OR10G3: variants seen among roughly 807,000 people sequenced by gnomAD.
OR10G3 encodes olfactory receptor family 10 subfamily G member 3, also known as olfactory receptor 10G3.
OR10G3 carries 8 observed loss-of-function variants against 13.4 expected under a neutral mutation model. That is an observed-to-expected ratio of 0.60 (90% confidence interval 0.35 to 1.08). The LOEUF (loss-of-function observed/expected upper bound fraction) is 1.08. Ranked by LOEUF, OR10G3 falls within the 50% of genes least tolerant of loss-of-function variation. The pLI is 0.02. For synonymous variants in OR10G3, 142 were observed against 156.1 expected, an observed-to-expected ratio of 0.91 and a Z score of 0.67; for missense variants, 393 against 386.6, an observed-to-expected ratio of 1.02 and a Z score of -0.14.
intron 1 of OR10G3, among the ~76,000 whole-genome samples, chr14:21,573,413 C>T (rs915289575): frequency 4.6e-5 from 7 of 152,182 alleles, no homozygotes; most frequent in African/African-American, 1.4e-4. Context: ...TGGCTCACGC[C>T]TGTAATCCCA....
At chr14:21,574,805 A>C (rs914350695) in intron 1 of OR10G3, 1 of 152,032 alleles carries the variant, frequency 6.6e-6, no homozygotes, top group Non-Finnish European at 1.5e-5. Flanking sequence ...AAAAAAATTT[A>C]CTGGGCGTAT....
chr14:21,570,875 A>G (rs1425668839), intron 1 of OR10G3, 114 bp from the exon 2 acceptor site: 2 of 624,662 alleles, frequency 3.2e-6, no homozygotes, highest in African/African-American at 1.8e-5. Flanking sequence ...TCTTACGTGG[A>G]AAGATGACAA....
chr14:21,575,407 G>T (rs1893117176), intron 1 of OR10G3, among the ~76,000 whole-genome samples: 1 of 143,264 alleles, frequency 7.0e-6, no homozygotes, highest in Non-Finnish European at 1.5e-5. Flanking sequence ...TTGAGATGGA[G>T]TCTTGCTCTG....
chr14:21,572,978 C>A (rs987163894), intron 1 of OR10G3, among the ~76,000 whole-genome samples: 1 of 152,084 alleles, frequency 6.6e-6, no homozygotes, highest in Non-Finnish European at 1.5e-5. Flanking sequence ...AACTGGATAT[C>A]CATATGCAAA....
rs1893039240 is a variant in OR10G3, at chr14:21,569,560, G to A, written c.*243C>T. 2.2e-6 allele frequency: 1 copy of A among 458,416 alleles called. No homozygotes were observed. Among genetic ancestry groups the A allele is most frequent in the Admixed American group, 4.0e-5 (1 of 24,970 alleles). 28.4% of individuals were successfully genotyped at this position (458,416 alleles called of 1,614,324 possible). A position where few individuals can be genotyped will look rare whatever the true frequency, so the allele number is the denominator to read the frequency against. The stretch of plus-strand genomic sequence containing the variant: ...ACTATTGCATTCTTTCTTCTGGATT[G>A]TTTAATGTGGTTTAGTTTGTGAGAA... On this transcript the variant is annotated 3_prime_UTR_variant, in exon 2 of 2. Coordinates refer to ENST00000641040, the MANE Select transcript of OR10G3 (RefSeq NM_001005465.2).
At chr14:21,575,205 C>T (rs1159565799) in intron 1 of OR10G3, among the ~76,000 whole-genome samples, 2 of 151,956 alleles carry the variant, frequency 1.3e-5, no homozygotes, top group Non-Finnish European at 2.9e-5. Flanking sequence ...CCTCAGCCTC[C>T]TAAGTAGCTG....
intron 1 of OR10G3, among the ~76,000 whole-genome samples, chr14:21,578,575 G>A (rs1264708728): frequency 1.3e-5 from 2 of 151,846 alleles, no homozygotes; most frequent in African/African-American, 4.8e-5. Flanking sequence ...GAGGCGAAGG[G>A]CACAGGCTTA....
chr14:21,575,177 G>A (rs1893113895), intron 1 of OR10G3, among the ~76,000 whole-genome samples: 1 of 151,746 alleles, frequency 6.6e-6, no homozygotes, highest in Non-Finnish European at 1.5e-5. Context: ...CGCCTCCCGG[G>A]TTCTCGCCAT....
chr14:21,570,455 C>G lies in OR10G3; in HGVS notation c.290G>C (p.Gly97Ala). The change falls in exon 2 of 2, where the codon GGC becomes GCC. Residue 97 changes from glycine to alanine, a missense_variant. Transcript: ENST00000641040. ...TLGVKPIPFG[G>A]CVAQLYFYHF... ...ATAGAAATAGAGTTGAGCAACACAG[C>G]CACCAAATGGGATGGGTTTGACACC... 6.2e-7 allele frequency: 1 copy of G among 1,614,142 alleles called. No individual in the cohort carries two copies. Among genetic ancestry groups the G allele is most frequent in the Non-Finnish European group, 8.5e-7 (1 of 1,180,042 alleles).
Position 21,569,151 on chromosome 14 carries a change from A to C in OR10G3, c.*652T>G, listed in dbSNP as rs1893034664. On this transcript the variant is annotated 3_prime_UTR_variant, in exon 2 of 2. Coordinates refer to ENST00000641040, the MANE Select transcript of OR10G3 (RefSeq NM_001005465.2). ...CTGAGGAGCAAGGAGAGCCAGTCCAAGTTCCAAAACTGAAGAACTTGGAGT... is the reference window on the plus strand; with the variant it reads ...CTGAGGAGCAAGGAGAGCCAGTCCACGTTCCAAAACTGAAGAACTTGGAGT... 1 of 152,340 alleles carries C rather than the reference A, an allele frequency of 6.6e-6. No homozygotes were observed. The highest frequency in any genetic ancestry group is 1.5e-5 in the Non-Finnish European group (1 of 68,246). The allele number at this position is 152,340 out of a possible 1,614,324, so 9.4% of individuals were successfully genotyped here.
chr14:21,571,574 A>C (rs1053946070), intron 1 of OR10G3, among the ~76,000 whole-genome samples: 5 of 152,188 alleles, frequency 3.3e-5, no homozygotes, highest in Admixed American at 1.3e-4. Context: ...ATTTAAGGAA[A>C]ATTAAAGGAT....
intron 1 of OR10G3, among the ~76,000 whole-genome samples, chr14:21,574,264 C>T (rs974246320): frequency 2.1e-5 from 3 of 145,986 alleles, no homozygotes; most frequent in African/African-American, 7.7e-5. Context: ...GATTGAGCCA[C>T]TGTACTCCAG....
chr14:21,573,579 G>C (rs1893095280), intron 1 of OR10G3, among the ~76,000 whole-genome samples: 1 of 151,704 alleles, frequency 6.6e-6, no homozygotes, highest in Non-Finnish European at 1.5e-5. Flanking sequence ...GGTCGAGGCG[G>C]CAGAATTGCT....
At chr14:21,575,413 C>T (rs534560754) in intron 1 of OR10G3, among the ~76,000 whole-genome samples, 94 of 145,058 alleles carry the variant, frequency 6.5e-4, no homozygotes, top group African/African-American at 2.3e-3. Flanking sequence ...TGGAGTCTTG[C>T]TCTGTCACCC....
intron 1 of OR10G3, among the ~76,000 whole-genome samples, chr14:21,574,018 A>C (rs1047309938): frequency 6.6e-6 from 1 of 152,060 alleles, no homozygotes; most frequent in African/African-American, 2.4e-5. Context: ...AAATTGATTG[A>C]TTTGGCTGGG....
intron 1 of OR10G3, among the ~76,000 whole-genome samples, chr14:21,571,403 G>GT (rs1893067556): frequency 6.6e-6 from 1 of 150,390 alleles, no homozygotes; most frequent in Non-Finnish European, 1.5e-5. Flanking sequence ...CCATGAAGCT[G>GT]TAAGTACATA....
chr14:21,576,635 T>C (rs561380950), intron 1 of OR10G3, among the ~76,000 whole-genome samples: 1 of 152,338 alleles, frequency 6.6e-6, no homozygotes, highest in South Asian at 2.1e-4. Context: ...TTTTTCTAAC[T>C]TTTTAGAGTT....
intron 1 of OR10G3, chr14:21,574,935 TAAAAC>T (rs144265400): frequency 0.1 from 15,957 of 152,044 alleles, 1,340 homozygotes; most frequent in East Asian, 0.4. Flanking sequence ...GACCCTGTCT[TAAAAC>T]AAAAACACAA....
intron 1 of OR10G3, among the ~76,000 whole-genome samples, chr14:21,578,408 T>C (rs1594492417): frequency 6.6e-6 from 1 of 151,874 alleles, no homozygotes; most frequent in East Asian, 1.9e-4. Flanking sequence ...TGAAACTCCA[T>C]CTCAAAATAA....
Sources: allele counts gnomAD v4.1 joint callset (sites outside exome capture counted in the v4.1 genomes callset), GRCh38; gene constraint gnomAD v4.1.1; transcripts MANE v1.5; gene names NCBI Gene and HGNC (gene_info 2026-07-23, HGNC 2026-07-21).